Variants in ZNF311 observed in about 807,000 individuals in gnomAD.
ZNF311 encodes zinc finger protein zfp31.
A neutral mutation model predicts 22.7 loss-of-function variants in ZNF311; 14 were observed. The observed-to-expected ratio is 0.62, with a 90% CI of 0.41 to 0.96. The LOEUF is 0.96. Among genes scored for constraint, ZNF311 ranks in the 40% least tolerant of loss-of-function variants. ZNF311 has a pLI of 0.00. For synonymous variants in ZNF311, 250 were observed against 275.3 expected (o/e 0.91, Z 0.91); for missense variants, 731 against 799.0 (o/e 0.91, Z 1.03).
rs928864664 is a variant in ZNF311 at position 28,998,481 on chromosome 6, T to C, written c.415+253A>G. ...TGCTGGGATTACAGGCATGAGCTAC[T>C]GTGCCCAGCCTCTGAGCCTTTTTTG... is the stretch of plus-strand genomic sequence containing the variant. On this transcript the variant is annotated intron_variant, in intron 6 of 6. Transcript: ENST00000377179. Among the ~76,000 whole-genome samples the C allele has an allele frequency of 1.3e-5, 2 of 152,224 alleles. No individual in the cohort carries two copies. The highest frequency in any genetic ancestry group is 1.5e-5 in the Non-Finnish European group (1 of 68,040).
intron 4 of ZNF311, 103 bp downstream of exon 4, chr6:28,999,853 C>T: frequency 1.5e-6 from 2 of 1,334,772 alleles, no homozygotes; most frequent in Non-Finnish European, 1.0e-6. Flanking sequence ...AGAGGGAGAA[C>T]ATTGATTTAG....
In ZNF311 at chr6:28,995,233, G is replaced by A. The variant is rs75164486; in HGVS notation, c.1769C>T (p.Thr590Met). Residue 590 changes from threonine (T) to methionine (M), a missense_variant, in exon 7 of 7, where the codon ACG becomes ATG. Thr to Met is a moderately conservative substitution (Grantham distance 81). Transcript: ENST00000377179. This position sits in a 1 kb window ranked among gnomAD's most constrained non-coding sequence, Gnocchi z 4.7. ...CAGAGCTGAGCCCTGACGGAAGGAC[G>A]TGCCACACTCACTGCAGGTGTATGG... Reference protein sequence around the residue: ...EKPYTCSECGTSFRQGSALIG... With the variant: ...EKPYTCSECGMSFRQGSALIG... 2.3e-5 allele frequency: 37 copies of A among 1,613,950 alleles called. No individual in the cohort carries two copies. Among genetic ancestry groups the A allele is most frequent in the Non-Finnish European group, 2.7e-5 (32 of 1,180,048 alleles).
Position 28,995,698 on chromosome 6 carries a change from C to T in ZNF311, c.1304G>A (p.Arg435Gln), listed in dbSNP as rs147290671. ...ATAGTGTTTCTCCCGAGTATGGATTCGTTTGTGTTTGCTTAGGTCTGAGCT... is the reference window on the plus strand; with the variant it reads ...ATAGTGTTTCTCCCGAGTATGGATTTGTTTGTGTTTGCTTAGGTCTGAGCT... ...SRSSDLSKHK[R>Q]IHTREKHYGC... Residue 435 changes from arginine to glutamine, a missense_variant, in exon 7 of 7, where the codon CGA becomes CAA. By Grantham distance (43) the Arg-to-Gln change is conservative (BLOSUM62 1). Coordinates refer to ENST00000377179, the MANE Select transcript of ZNF311 (RefSeq NM_001382360.1). This position sits in a 1 kb window ranked among gnomAD's most constrained non-coding sequence, Gnocchi z 4.7. The T allele has an allele frequency of 5.5e-5, 89 of 1,613,600 alleles. No homozygotes were observed. The African/African-American group carries it at 8.3e-4, about 15-fold the overall frequency.
rs1780744233 is a variant in ZNF311 at position 29,003,528 on chromosome 6, G to C, written c.76C>G (p.Leu26Val). 3 of 1,613,062 alleles carry C rather than the reference G, an allele frequency of 1.9e-6. No homozygotes were observed. Among genetic ancestry groups the C allele is most frequent in the Non-Finnish European group, 2.5e-6 (3 of 1,180,032 alleles). The change falls in exon 3 of 7, where the codon CTC (leucine) becomes GTC (valine). Residue 26 changes from leucine (L) to valine (V), a missense_variant. By Grantham distance (32) the Leu-to-Val change is conservative (BLOSUM62 1). Transcript: ENST00000377179. The stretch of plus-strand genomic sequence containing the variant: ...TGTATCTCACCGCTTTCCTGAGGGA[G>C]CTGGGTATCCTGGCGGGTCCAAAGC... ...QLLWTRQDTQ[L>V]PQESALLPAP...
At chr6:29,002,368 A>C (rs1175654786) in intron 3 of ZNF311, among the ~76,000 whole-genome samples, 1 of 152,160 alleles carries the variant, frequency 6.6e-6, no homozygotes, top group African/African-American at 2.4e-5. Flanking sequence ...ATCTATAAAA[A>C]ATTTATGTTC....
At chr6:29,002,941 A>C (rs13219284) in intron 3 of ZNF311, among the ~76,000 whole-genome samples, 8 of 152,230 alleles carry the variant, frequency 5.3e-5, no homozygotes, top group African/African-American at 1.9e-4. Context: ...TTTTATACAA[A>C]TCTTAACCAC....
intron 6 of ZNF311, among the ~76,000 whole-genome samples, chr6:28,997,336 G>A (rs945830339): frequency 6.6e-6 from 1 of 152,172 alleles, no homozygotes; most frequent in South Asian, 2.1e-4. Context: ...ATGGTTTTGA[G>A]TCTCTTCTAG....
Position 29,003,602 on chromosome 6 carries a change from A to G in ZNF311, c.10-8T>C. Reference sequence around the variant, plus strand: ...CTCATCCAACAGCACAACCTATTGCAAGACACAGAATGAATTCAGGAAAGT... The same window carrying G: ...CTCATCCAACAGCACAACCTATTGCGAGACACAGAATGAATTCAGGAAAGT... On this transcript the variant is annotated splice_region_variant and splice_polypyrimidine_tract_variant and intron_variant, in intron 2 of 6. Transcript: ENST00000377179. 6.2e-7 allele frequency: 1 copy of G among 1,613,040 alleles called. No individual in the cohort carries two copies. Among genetic ancestry groups the G allele is most frequent in the Middle Eastern group, 1.6e-4 (1 of 6,062 alleles).
chr6:28,999,056 G>A (rs967391606), intron 5 of ZNF311, among the ~76,000 whole-genome samples: 1 of 150,888 alleles, frequency 6.6e-6, no homozygotes, highest in Non-Finnish European at 1.5e-5. Flanking sequence ...AGAAGTTCTG[G>A]GAAACAGTCA....
Position 28,995,984 on chromosome 6 carries a change from A to C in ZNF311, c.1018T>G (p.Phe340Val). ...ATACAGAGACGGTTCCTGGTCTTGA[A>C]GGCCTTCCCACAGTCCCTGCACTCG... The part of the protein sequence containing the change: ...PHECRDCGKA[F>V]KTRNRLCMHQ... The change falls in exon 7 of 7, where the codon TTC becomes GTC. Residue 340 changes from phenylalanine (F) to valine (V), a missense_variant. Coordinates refer to ENST00000377179, the MANE Select transcript of ZNF311 (RefSeq NM_001382360.1). This position sits in a 1 kb window ranked among gnomAD's most constrained non-coding sequence, Gnocchi z 4.7. 6.2e-7 allele frequency: 1 copy of C among 1,613,672 alleles called. No individual in the cohort carries two copies. Among genetic ancestry groups the C allele is most frequent in the Non-Finnish European group, 8.5e-7 (1 of 1,180,032 alleles).
chr6:28,996,151 A>AATGCTT lies in ZNF311; in HGVS notation c.845_850dup (p.Ala283_Phe284insTer). 6.2e-7 allele frequency: 1 copy of AATGCTT among 1,613,480 alleles called. No homozygotes were observed. Among genetic ancestry groups the AATGCTT allele is most frequent in the Non-Finnish European group, 8.5e-7 (1 of 1,180,024 alleles). On this transcript the variant is annotated stop_gained, in exon 7 of 7. Coordinates refer to ENST00000377179, the MANE Select transcript of ZNF311 (RefSeq NM_001382360.1). LOFTEE classifies it low-confidence loss of function (END_TRUNC). Reference sequence around the variant, plus strand: ...CATAGAAAGCTGATTTCTGGTCTTGAATGCTTTCCCACACTCATTACACAC... The same window carrying AATGCTT: ...CATAGAAAGCTGATTTCTGGTCTTGAATGCTTATGCTTTCCCACACTCATTACACAC...
At chr6:29,000,760 T>C (rs1398785515) in intron 3 of ZNF311, among the ~76,000 whole-genome samples, 1 of 151,076 alleles carries the variant, frequency 6.6e-6, no homozygotes. Flanking sequence ...ATCCATATGA[T>C]TGGGTGAGAA....
chr6:28,998,705 A>T, intron 6 of ZNF311, 29 bp downstream of exon 6: 1 of 1,470,232 alleles, frequency 6.8e-7, no homozygotes. Flanking sequence ...GGAAGATCAG[A>T]GGGAACTGAA....
chr6:28,995,563 A>C lies in ZNF311; in HGVS notation c.1439T>G (p.Phe480Cys). Residue 480 changes from phenylalanine to cysteine, a missense_variant, in exon 7 of 7, where the codon TTT becomes TGT. Transcript: ENST00000377179. The surrounding 1 kb of genome is among the most constrained non-coding windows in gnomAD (Gnocchi z 4.7). ...AGCCCTGCGCTTACAGTTATGACGA[A>C]AGGCTTTCCCACACTCCTCACACCT... ...RYRCEECGKA[F>C]RHNCKRRAHE... 6.2e-7 allele frequency: 1 copy of C among 1,613,698 alleles called. No individual in the cohort carries two copies. The highest frequency in any genetic ancestry group is 8.5e-7 in the Non-Finnish European group (1 of 1,180,026).
Position 28,999,468 on chromosome 6 carries a change from G to C in ZNF311, c.310+19C>G. 1 of 1,599,024 alleles carries C rather than the reference G, an allele frequency of 6.3e-7. No individual in the cohort carries two copies. Among genetic ancestry groups the C allele is most frequent in the Non-Finnish European group, 8.5e-7 (1 of 1,175,008 alleles). ...AAAAAAAGAAGGTAGAAAGCATTAA[G>C]TGTAGGGAAGGTCCTTACCAAGTGA... On this transcript the variant is annotated intron_variant, in intron 5 of 6. Coordinates refer to ENST00000377179, the MANE Select transcript of ZNF311 (RefSeq NM_001382360.1).
In ZNF311 at chr6:29,003,614, G is replaced by T. The variant is rs770194340; in HGVS notation, c.10-20C>A. The T allele has an allele frequency of 1.9e-6, 3 of 1,612,600 alleles. No individual in the cohort carries two copies. The highest frequency in any genetic ancestry group is 2.5e-6 in the Non-Finnish European group (3 of 1,179,632). The stretch of plus-strand genomic sequence containing the variant: ...CACAACCTATTGCAAGACACAGAAT[G>T]AATTCAGGAAAGTTATGAAGGTGAG... On this transcript the variant is annotated intron_variant, in intron 2 of 6. Transcript: ENST00000377179.
chr6:28,994,932 T>C lies in ZNF311; in HGVS notation c.*69A>G, dbSNP rs1779247384. 6.9e-7 allele frequency: 1 copy of C among 1,447,306 alleles called. No individual in the cohort carries two copies. The highest frequency in any genetic ancestry group is 2.4e-5 in the East Asian group (1 of 42,446). 89.7% of individuals were successfully genotyped at this position (1,447,306 alleles called of 1,614,324 possible). ...TAAGGGTCAGGAAATCAGGAATAAC[T>C]AATATAAGAGACAGAAGGACCAGCC... On this transcript the variant is annotated 3_prime_UTR_variant, in exon 7 of 7. Coordinates refer to ENST00000377179, the MANE Select transcript of ZNF311 (RefSeq NM_001382360.1).
rs1277132167 is a variant in ZNF311 at position 29,004,245 on chromosome 6, G to A, written c.-260-31C>T. On this transcript the variant is annotated intron_variant, in intron 1 of 6. Transcript: ENST00000377179. Reference sequence around the variant, plus strand: ...TATTTGGTGAAGGGAAAAGAGGAATGTGACCACAGGAAAAAATAGGGAGTC... The same window carrying A: ...TATTTGGTGAAGGGAAAAGAGGAATATGACCACAGGAAAAAATAGGGAGTC... The A allele has an allele frequency of 6.6e-6, 9 of 1,357,964 alleles. No homozygotes were observed. The African/African-American group carries it at 1.3e-4, about 20-fold the overall frequency. The allele number at this position is 1,357,964 out of a possible 1,614,324, so 84.1% of individuals were successfully genotyped here.
rs367714280 is a variant in ZNF311 at position 28,996,387 on chromosome 6, T to A, written c.615A>T (p.Glu205Asp). 5.0e-6 allele frequency: 8 copies of A among 1,611,152 alleles called. No individual in the cohort carries two copies. The African/African-American group carries it at 1.1e-4, about 22-fold the overall frequency. ...TCACTTCCTCAGAGCCTTCTTTCTCTTCTCTCAGTTTCTCCCTTATAGATG... is the reference window on the plus strand; with the variant it reads ...TCACTTCCTCAGAGCCTTCTTTCTCATCTCTCAGTTTCTCCCTTATAGATG... Reference protein sequence around the residue: ...WETSIREKLREEKEGSEEVTC... With the variant: ...WETSIREKLRDEKEGSEEVTC... Residue 205 changes from glutamate (E) to aspartate (D), a missense_variant, in exon 7 of 7, where the codon GAA becomes GAT. Coordinates refer to ENST00000377179, the MANE Select transcript of ZNF311 (RefSeq NM_001382360.1).
Sources: allele counts gnomAD v4.1 joint callset (sites outside exome capture counted in the v4.1 genomes callset), GRCh38; gene constraint gnomAD v4.1.1; non-coding constraint Gnocchi (gnomAD v3.1); transcripts MANE v1.5; gene names NCBI Gene and HGNC (gene_info 2026-07-23, HGNC 2026-07-21).